The following VCAN variants were observed in gnomAD, a reference collection of about 807,000 sequenced individuals.
The protein encoded by VCAN is versican core protein.
A neutral mutation model predicts 245.5 loss-of-function variants in VCAN; 44 were observed. The ratio of observed to expected loss-of-function variants is 0.18; its 90% CI spans 0.14 to 0.23. The LOEUF (loss-of-function observed/expected upper bound fraction) is 0.23, where lower values mean the gene tolerates loss of function less well. Ranked by LOEUF, VCAN falls within the 10% of genes least tolerant of loss-of-function variation. The pLI is 1.00. For synonymous variants in VCAN, 1,413 were observed against 1,437.0 expected, an observed-to-expected ratio of 0.98 and a Z score of 0.38; for missense variants, 3,793 against 4,057.9, an observed-to-expected ratio of 0.93 and a Z score of 1.77.
Position 83,541,218 on chromosome 5 carries a change from C to G in VCAN, c.8215C>G (p.Pro2739Ala). Residue 2739 changes from proline to alanine, a missense_variant, in exon 8 of 15, where the codon CCA becomes GCA. Pro to Ala is a conservative substitution (Grantham distance 27). Coordinates refer to ENST00000265077, the MANE Select transcript of VCAN (RefSeq NM_004385.5). ...QAIADQSEII[P>A]TLGQFERTQE... ...TATTGCAGACCAAAGTGAAATAATA[C>G]CAACATTGGGCCAATTTGAAAGGAC... 6.2e-7 allele frequency: 1 copy of G among 1,613,900 alleles called. No homozygotes were observed. The highest frequency in any genetic ancestry group is 8.5e-7 in the Non-Finnish European group (1 of 1,179,988).
At chr5:83,517,854 C>G (rs1471227006) in intron 6 of VCAN, among the ~76,000 whole-genome samples, 1 of 152,094 alleles carries the variant, frequency 6.6e-6, no homozygotes, top group Non-Finnish European at 1.5e-5. Flanking sequence ...ATCAGTGAAG[C>G]TGAGCTTTAA....
chr5:83,484,890 A>G (rs966651914), intron 2 of VCAN, among the ~76,000 whole-genome samples: 1 of 152,176 alleles, frequency 6.6e-6, no homozygotes, highest in African/African-American at 2.4e-5. Flanking sequence ...GCCAGCCAAG[A>G]CCTGTCTGTA....
intron 7 of VCAN, among the ~76,000 whole-genome samples, chr5:83,529,203 G>C (rs540611367): frequency 6.6e-6 from 1 of 151,630 alleles, no homozygotes; most frequent in African/African-American, 2.4e-5. Flanking sequence ...AGGATACATG[G>C]AAGAGGCAGT....
At chr5:83,493,425 A>T in intron 3 of VCAN, 121 bp from the exon 4 acceptor site, 1 of 1,288,356 alleles carries the variant, frequency 7.8e-7, no homozygotes, top group Non-Finnish European at 1.1e-6. Flanking sequence ...AAAAGTAAAT[A>T]ATTATTATGA....
chr5:83,473,904 G>A (rs1744289979), intron 1 of VCAN, among the ~76,000 whole-genome samples: 1 of 152,188 alleles, frequency 6.6e-6, no homozygotes, highest in African/African-American at 2.4e-5. Context: ...AAAAGGTCTT[G>A]GTCTGTGCAA....
intron 12 of VCAN, among the ~76,000 whole-genome samples, chr5:83,571,639 T>C (rs1446584286): frequency 1.3e-5 from 2 of 152,126 alleles, no homozygotes; most frequent in Non-Finnish European, 2.9e-5. Flanking sequence ...CAACATACAT[T>C]ACACACAAAA....
chr5:83,479,736 A>C (rs1744548246), intron 1 of VCAN, among the ~76,000 whole-genome samples: 1 of 152,222 alleles, frequency 6.6e-6, no homozygotes. Flanking sequence ...CTTAATGACC[A>C]AGGATAGGGA....
chr5:83,486,457 C>T (rs908887374), intron 2 of VCAN, among the ~76,000 whole-genome samples: 3 of 152,158 alleles, frequency 2.0e-5, no homozygotes, highest in African/African-American at 7.2e-5. Context: ...AGCCTAGGAG[C>T]TGTCTTCCTC....
chr5:83,520,767 T>G lies in VCAN; in HGVS notation c.2461T>G (p.Ser821Ala). Residue 821 changes from serine to alanine, a missense_variant, in exon 7 of 15, where the codon TCA becomes GCA. Ser to Ala is a moderately conservative substitution (Grantham distance 99). Coordinates refer to ENST00000265077, the MANE Select transcript of VCAN (RefSeq NM_004385.5). Reference sequence around the variant, plus strand: ...CAAGCCTTTAGAGTCTACAGAACCTTCAGCCTCTTCAAAATTGCCCCCTGC... The same window carrying G: ...CAAGCCTTTAGAGTCTACAGAACCTGCAGCCTCTTCAAAATTGCCCCCTGC... ...TSKPLESTEP[S>A]ASSKLPPALL... The G allele has an allele frequency of 6.2e-6, 10 of 1,614,116 alleles. No homozygotes were observed. The highest frequency in any genetic ancestry group is 8.5e-6 in the Non-Finnish European group (10 of 1,179,992).
intron 13 of VCAN, among the ~76,000 whole-genome samples, chr5:83,575,541 C>T (rs1156643802): frequency 1.3e-5 from 2 of 152,090 alleles, no homozygotes; most frequent in African/African-American, 4.8e-5. Context: ...TTATTTTCTC[C>T]TATAGCAGGG....
rs1746876201 is a variant in VCAN, at chr5:83,539,490, A to T, written c.6487A>T (p.Thr2163Ser). Reference protein sequence around the residue: ...TDYSVLTTKKTYSDDKEMKEE... With the variant: ...TDYSVLTTKKSYSDDKEMKEE... ...TTATTCTGTACTAACAACAAAGAAAACTTACAGTGATGATAAAGAAATGAA... is the reference window on the plus strand; with the variant it reads ...TTATTCTGTACTAACAACAAAGAAATCTTACAGTGATGATAAAGAAATGAA... Residue 2163 changes from threonine (T) to serine (S), a missense_variant, in exon 8 of 15, where the codon ACT (threonine) becomes TCT (serine). Thr to Ser is a moderately conservative substitution (Grantham distance 58). This residue lies in a region of VCAN where 3,182 missense variants were observed against 3,250.3 expected (regional missense o/e 0.98). Transcript: ENST00000265077. 1.2e-6 allele frequency: 2 copies of T among 1,613,716 alleles called. No homozygotes were observed. Among genetic ancestry groups the T allele is most frequent in the Middle Eastern group, 1.6e-4 (1 of 6,078 alleles).
rs1744945890 is a variant in VCAN, at chr5:83,490,457, T to A, written c.430T>A (p.Ser144Thr). ...YGIEDTQDTVSLTVDGVVFHY... is the reference protein window; with the variant it reads ...YGIEDTQDTVTLTVDGVVFHY... Reference sequence around the variant, plus strand: ...GATTGAAGACACACAAGACACGGTGTCACTGACTGTGGATGGTAAGGCTTT... The same window carrying A: ...GATTGAAGACACACAAGACACGGTGACACTGACTGTGGATGGTAAGGCTTT... The change falls in exon 3 of 15, where the codon TCA becomes ACA. Residue 144 changes from serine (S) to threonine (T), a missense_variant. Physicochemically the swap from Ser to Thr is moderately conservative, Grantham distance 58 (BLOSUM62 1). Around this residue, in one of 5 missense-constraint regions of VCAN, gnomAD observed 190 missense variants for 288.6 expected, o/e 0.66. Coordinates refer to ENST00000265077, the MANE Select transcript of VCAN (RefSeq NM_004385.5). The A allele has an allele frequency of 6.2e-7, 1 of 1,613,992 alleles. No homozygotes were observed. Among genetic ancestry groups the A allele is most frequent in the Non-Finnish European group, 8.5e-7 (1 of 1,180,030 alleles).
chr5:83,551,248 C>A (rs1254971138), intron 10 of VCAN, among the ~76,000 whole-genome samples: 2 of 152,016 alleles, frequency 1.3e-5, no homozygotes, highest in East Asian at 3.9e-4. Flanking sequence ...CGATAGCTCA[C>A]GCCTATAATC....
rs1406698522 is a variant in VCAN, at chr5:83,472,028, T to A, written c.-7+5T>A. 2.8e-6 allele frequency: 1 copy of A among 363,490 alleles called. No homozygotes were observed. The highest frequency in any genetic ancestry group is 4.9e-6 in the Non-Finnish European group (1 of 204,816). 22.5% of individuals were successfully genotyped at this position (363,490 alleles called of 1,614,324 possible). ...TGCAATAAGCCGCCTTCCAAGGTAA[T>A]CACGTTTCTTTTGTTCCCCCCTTAA... is the stretch of plus-strand genomic sequence containing the variant. On this transcript the variant is annotated splice_donor_5th_base_variant and intron_variant, in intron 1 of 14. Coordinates refer to ENST00000265077, the MANE Select transcript of VCAN (RefSeq NM_004385.5).
intron 10 of VCAN, among the ~76,000 whole-genome samples, chr5:83,549,299 G>T (rs1430824273): frequency 6.6e-6 from 1 of 152,156 alleles, no homozygotes; most frequent in Non-Finnish European, 1.5e-5. Flanking sequence ...TCTGATCCTG[G>T]TGACTTAGCA....
chr5:83,558,240 C>G lies in VCAN; in HGVS notation c.9735+3202C>G, dbSNP rs186225384. Among the ~76,000 whole-genome samples, 190 of 152,252 alleles carry G rather than the reference C, an allele frequency of 1.2e-3. 1 individual carries two copies. Among genetic ancestry groups the G allele is most frequent in the Non-Finnish European group, 2.3e-3 (158 of 68,004 alleles). ...TGTGTGCAGGCCTTTGAATAAAATCCTTCTGCTTTGTTTCGCTGTTTACTC... is the reference window on the plus strand; with the variant it reads ...TGTGTGCAGGCCTTTGAATAAAATCGTTCTGCTTTGTTTCGCTGTTTACTC... On this transcript the variant is annotated intron_variant, in intron 12 of 14. Coordinates refer to ENST00000265077, the MANE Select transcript of VCAN (RefSeq NM_004385.5).
At chr5:83,576,363 G>A (rs1748478318) in intron 13 of VCAN, among the ~76,000 whole-genome samples, 1 of 152,122 alleles carries the variant, frequency 6.6e-6, no homozygotes, top group African/African-American at 2.4e-5. Context: ...TCAGCATTAT[G>A]TTTGTGAGAT....
intron 6 of VCAN, among the ~76,000 whole-genome samples, chr5:83,515,783 C>G (rs1479324752): frequency 6.6e-6 from 1 of 152,162 alleles, no homozygotes; most frequent in Non-Finnish European, 1.5e-5. Context: ...CCCTTCTAAC[C>G]TTTGGTTAGT....
chr5:83,518,004 G>T (rs967390196), intron 6 of VCAN, among the ~76,000 whole-genome samples: 2 of 152,038 alleles, frequency 1.3e-5, no homozygotes, highest in Admixed American at 6.5e-5. Flanking sequence ...GAGCTAAAAG[G>T]TAGCCTGTTT....
Sources: allele counts gnomAD v4.1 joint callset (sites outside exome capture counted in the v4.1 genomes callset), GRCh38; gene constraint gnomAD v4.1.1; regional missense constraint gnomAD v4.1.1; transcripts MANE v1.5; gene names NCBI Gene and HGNC (gene_info 2026-07-23, HGNC 2026-07-21).